The following VAT1L variants were observed in gnomAD, a reference collection of about 807,000 sequenced individuals.
VAT1L encodes vesicle amine transport 1 like.
A neutral mutation model predicts 44.1 loss-of-function variants in VAT1L; 34 were observed. The ratio of observed to expected loss-of-function variants is 0.77; its 90% CI spans 0.59 to 1.03. VAT1L has a LOEUF of 1.03. Among genes scored for constraint, VAT1L ranks in the 50% least tolerant of loss-of-function variants. The pLI is 0.00. For synonymous variants in VAT1L, 253 were observed against 202.2 expected, an observed-to-expected ratio of 1.25 and a Z score of -2.13; for missense variants, 615 against 538.8, an observed-to-expected ratio of 1.14 and a Z score of -1.40.
intron 3 of VAT1L, among the ~76,000 whole-genome samples, chr16:77,844,789 C>T (rs770163783): frequency 6.6e-6 from 1 of 152,094 alleles, no homozygotes; most frequent in Non-Finnish European, 1.5e-5. Context: ...CACAAGGATA[C>T]TGGGGATGGC....
Position 77,833,751 on chromosome 16 carries a change from AAAAAAAAAGAAAAAG to A in VAT1L, c.579+8305_579+8319del, listed in dbSNP as rs956600470. Among the ~76,000 whole-genome samples, 6 of 151,130 alleles carry A rather than the reference AAAAAAAAAGAAAAAG, an allele frequency of 4.0e-5. No homozygotes were observed. In the South Asian group the frequency reaches 8.4e-4, roughly 21 times the overall value. On this transcript the variant is annotated intron_variant, in intron 3 of 8. Coordinates refer to ENST00000302536, the MANE Select transcript of VAT1L (RefSeq NM_020927.3). ...GGTGACAAAGTGAGACTCTGTCTCA[AAAAAAAAAGAAAAAG>A]AAAAAAAAGAAAAATGAAAGTGGGA...
intron 7 of VAT1L, among the ~76,000 whole-genome samples, chr16:77,925,152 C>T (rs1012823784): frequency 3.3e-5 from 5 of 152,104 alleles, no homozygotes; most frequent in African/African-American, 1.2e-4. Context: ...CCAGGGCACA[C>T]TAGGGTCAGG....
chr16:77,972,186 C>T (rs1321720314), intron 8 of VAT1L, among the ~76,000 whole-genome samples: 3 of 152,216 alleles, frequency 2.0e-5, no homozygotes, highest in Non-Finnish European at 4.4e-5. Flanking sequence ...AGCATAGCAA[C>T]AACAGACCTG....
intron 3 of VAT1L, among the ~76,000 whole-genome samples, chr16:77,847,039 T>G (rs1488818241): frequency 6.6e-6 from 1 of 152,220 alleles, no homozygotes; most frequent in African/African-American, 2.4e-5. Flanking sequence ...GCTTTCATAA[T>G]AATACTTTTT....
intron 3 of VAT1L, among the ~76,000 whole-genome samples, chr16:77,827,410 A>G (rs1419502589): frequency 2.0e-5 from 3 of 152,230 alleles, no homozygotes. Context: ...TCTTGGAGCA[A>G]AGAAGAATGT....
At chr16:77,801,971 C>T (rs1336431695) in intron 1 of VAT1L, among the ~76,000 whole-genome samples, 2 of 152,174 alleles carry the variant, frequency 1.3e-5, no homozygotes, top group African/African-American at 4.8e-5. Context: ...CGCAGCCATC[C>T]ATGCGCCCAC....
intron 2 of VAT1L, among the ~76,000 whole-genome samples, chr16:77,821,051 TC>T: frequency 6.6e-6 from 1 of 152,184 alleles, no homozygotes; most frequent in East Asian, 1.9e-4. Context: ...CTCTCCCATT[TC>T]CCACCCATGG....
At chr16:77,951,210 G>T (rs2018038387) in intron 7 of VAT1L, among the ~76,000 whole-genome samples, 1 of 152,184 alleles carries the variant, frequency 6.6e-6, no homozygotes, top group Admixed American at 6.5e-5. Flanking sequence ...AGTACAACTT[G>T]CAGGGAACAG....
At chr16:77,913,297 G>A (rs749109998) in intron 7 of VAT1L, among the ~76,000 whole-genome samples, 14 of 152,216 alleles carry the variant, frequency 9.2e-5, no homozygotes, top group Non-Finnish European at 1.8e-4. Flanking sequence ...TCTCTGTAAC[G>A]TTTTTGTCTT....
At chr16:77,806,635 G>A (rs756404665) in intron 1 of VAT1L, among the ~76,000 whole-genome samples, 10 of 152,342 alleles carry the variant, frequency 6.6e-5, no homozygotes, top group South Asian at 2.1e-4. Context: ...GAGCCACCGC[G>A]CCCAGGCTGA....
At chr16:77,856,983 TA>T (rs1184277879) in intron 3 of VAT1L, among the ~76,000 whole-genome samples, 2 of 152,174 alleles carry the variant, frequency 1.3e-5, no homozygotes, top group African/African-American at 4.8e-5. Flanking sequence ...ATACTTACAC[TA>T]AAGGTGGTTT....
intron 1 of VAT1L, among the ~76,000 whole-genome samples, chr16:77,814,118 T>A (rs2016311423): frequency 6.6e-6 from 1 of 152,156 alleles, no homozygotes; most frequent in Non-Finnish European, 1.5e-5. Context: ...TCATACCTCA[T>A]AGGAGGAGTA....
intron 1 of VAT1L, among the ~76,000 whole-genome samples, chr16:77,809,993 A>AT (rs139067223): frequency 6.6e-6 from 1 of 152,022 alleles, no homozygotes; most frequent in African/African-American, 2.4e-5. Flanking sequence ...GGGAGAATTA[A>AT]TTTTTTTTGA....
intron 3 of VAT1L, among the ~76,000 whole-genome samples, chr16:77,835,117 C>T (rs2016625021): frequency 1.3e-5 from 2 of 152,102 alleles, no homozygotes; most frequent in Non-Finnish European, 2.9e-5. Flanking sequence ...CTTTTTGTGT[C>T]TGGTTCCTGC....
At chr16:77,932,718 C>T (rs1419352233) in intron 7 of VAT1L, among the ~76,000 whole-genome samples, 1 of 152,090 alleles carries the variant, frequency 6.6e-6, no homozygotes, top group Non-Finnish European at 1.5e-5. Flanking sequence ...TTCAGCAATC[C>T]CTGAGATCCA....
chr16:77,876,232 G>A, intron 4 of VAT1L, 138 bp from the exon 5 acceptor site: 1 of 692,406 alleles, frequency 1.4e-6, no homozygotes, highest in African/African-American at 1.8e-5. Context: ...CTGGGCTTCT[G>A]CCCTATTTAT....
chr16:77,863,953 G>A (rs1188426917), intron 4 of VAT1L, among the ~76,000 whole-genome samples: 3 of 152,212 alleles, frequency 2.0e-5, no homozygotes, highest in African/African-American at 7.2e-5. Flanking sequence ...GTGCAGAGGG[G>A]ATGGATGGGT....
At chr16:77,949,105 C>A (rs973899175) in intron 7 of VAT1L, among the ~76,000 whole-genome samples, 1 of 152,166 alleles carries the variant, frequency 6.6e-6, no homozygotes, top group African/African-American at 2.4e-5. Flanking sequence ...CACGAAGAAG[C>A]TGGGACCTTC....
At chr16:77,819,281 G>A (rs1230891305) in intron 2 of VAT1L, among the ~76,000 whole-genome samples, 1 of 152,198 alleles carries the variant, frequency 6.6e-6, no homozygotes, top group Non-Finnish European at 1.5e-5. Context: ...GACTGAGGCT[G>A]TGTCTTTGGG....
Sources: gnomAD v4.1 joint callset for allele counts (sites outside exome capture counted in the v4.1 genomes callset) on GRCh38, gnomAD v4.1.1 for gene constraint, MANE v1.5 for transcripts, NCBI Gene and HGNC (gene_info 2026-07-23, HGNC 2026-07-21) for gene names.